CARMIL1: variants seen among roughly 807,000 people sequenced by gnomAD.
CARMIL1 encodes capping protein regulator and myosin 1 linker 1.
Under a neutral mutation model 177.1 loss-of-function variants are expected in CARMIL1, and 90 were observed. The ratio of observed to expected loss-of-function variants is 0.51; its 90% CI spans 0.43 to 0.61. The LOEUF (loss-of-function observed/expected upper bound fraction) is 0.61. Among genes scored for constraint, CARMIL1 ranks in the 20% least tolerant of loss-of-function variants. The pLI, the probability that CARMIL1 is intolerant of heterozygous loss-of-function variation, is 0.00. For synonymous variants in CARMIL1, 577 were observed against 606.2 expected, an observed-to-expected ratio of 0.95 and a Z score of 0.71; for missense variants, 1,380 against 1,667.0, an observed-to-expected ratio of 0.83 and a Z score of 3.00.
chr6:25,454,262 T>C (rs1288985449), intron 8 of CARMIL1, among the ~76,000 whole-genome samples: 1 of 152,184 alleles, frequency 6.6e-6, no homozygotes, highest in African/African-American at 2.4e-5. Context: ...ACTTTTTTTT[T>C]GTCAAGGACC....
chr6:25,560,459 T>C (rs115852371), intron 29 of CARMIL1, among the ~76,000 whole-genome samples: 2,969 of 151,650 alleles, frequency 0.02, 73 homozygotes, highest in African/African-American at 0.058. Context: ...TTAAAAAGCC[T>C]TCTTATTCAT....
intron 4 of CARMIL1, among the ~76,000 whole-genome samples, chr6:25,429,054 A>G (rs1204717258): frequency 1.3e-5 from 2 of 152,100 alleles, no homozygotes; most frequent in African/African-American, 4.8e-5. Context: ...ATATTCCTCC[A>G]TTGGTGGAGC....
intron 2 of CARMIL1, among the ~76,000 whole-genome samples, chr6:25,332,271 T>C (rs1005576908): frequency 9.2e-5 from 14 of 152,228 alleles, no homozygotes; most frequent in Non-Finnish European, 1.8e-4. Flanking sequence ...TTTCCCCATT[T>C]ACTCGTTTGT....
intron 26 of CARMIL1, among the ~76,000 whole-genome samples, chr6:25,541,755 G>A (rs1157036140): frequency 6.6e-6 from 1 of 152,156 alleles, no homozygotes; most frequent in Non-Finnish European, 1.5e-5. Context: ...CTGGGTTCAA[G>A]CTATTCTCCT....
intron 2 of CARMIL1, among the ~76,000 whole-genome samples, chr6:25,341,590 C>T (rs558351906): frequency 6.6e-6 from 1 of 152,162 alleles, no homozygotes; most frequent in Non-Finnish European, 1.5e-5. Context: ...GTGGTGCACA[C>T]GCCTGTAGTC....
chr6:25,367,781 C>T (rs981119856), intron 2 of CARMIL1, among the ~76,000 whole-genome samples: 3 of 152,172 alleles, frequency 2.0e-5, no homozygotes, highest in Admixed American at 6.5e-5. Context: ...CAAACCCCGA[C>T]GGAGCCTCGG....
chr6:25,601,142 G>T (rs1815358475), intron 33 of CARMIL1, among the ~76,000 whole-genome samples: 1 of 152,130 alleles, frequency 6.6e-6, no homozygotes, highest in Non-Finnish European at 1.5e-5. Flanking sequence ...CCCTCGCTGG[G>T]TTTATTTGGG....
At chr6:25,563,305 G>T in intron 29 of CARMIL1, 1 of 985,348 alleles carries the variant, frequency 1.0e-6, no homozygotes, top group Non-Finnish European at 1.2e-6. Flanking sequence ...TAGAATAAAA[G>T]ATCAAATCCC....
chr6:25,315,786 A>ACAG (rs1267890098), intron 2 of CARMIL1, among the ~76,000 whole-genome samples: 2 of 152,236 alleles, frequency 1.3e-5, no homozygotes. Flanking sequence ...AGAACCAGAT[A>ACAG]CAGCAGAATT....
At chr6:25,587,472 G>A (rs184973516) in intron 31 of CARMIL1, among the ~76,000 whole-genome samples, 20 of 152,180 alleles carry the variant, frequency 1.3e-4, no homozygotes, top group Admixed American at 4.6e-4. Flanking sequence ...TGCCTACGTC[G>A]TTGAGTTGTC....
At chr6:25,571,007 A>T (rs1028834313) in intron 29 of CARMIL1, among the ~76,000 whole-genome samples, 13 of 152,220 alleles carry the variant, frequency 8.5e-5, no homozygotes, top group African/African-American at 3.1e-4. Context: ...TAAAAATGGA[A>T]ATGCACAAAA....
At chr6:25,420,938 A>C (rs1288342142) in intron 3 of CARMIL1, among the ~76,000 whole-genome samples, 1 of 152,208 alleles carries the variant, frequency 6.6e-6, no homozygotes, top group Non-Finnish European at 1.5e-5. Flanking sequence ...GTTTTAGTAG[A>C]TAACTTGATC....
intron 2 of CARMIL1, among the ~76,000 whole-genome samples, chr6:25,397,838 GAC>G (rs1242292321): frequency 6.6e-6 from 1 of 152,088 alleles, no homozygotes; most frequent in Non-Finnish European, 1.5e-5. Context: ...CTTAATTTTA[GAC>G]ACCTAAATTG....
At chr6:25,286,324 G>T (rs1781522645) in intron 2 of CARMIL1, among the ~76,000 whole-genome samples, 1 of 152,240 alleles carries the variant, frequency 6.6e-6, no homozygotes, top group South Asian at 2.1e-4. Flanking sequence ...GATTATGCTT[G>T]TGATGGATGA....
At chr6:25,355,725 G>T (rs1056507744) in intron 2 of CARMIL1, among the ~76,000 whole-genome samples, 2 of 152,110 alleles carry the variant, frequency 1.3e-5, no homozygotes, top group Non-Finnish European at 2.9e-5. Context: ...CAGAATAAAT[G>T]CCTGAGAGCT....
Position 25,479,150 on chromosome 6 carries a change from TCCAGACTTA to T in CARMIL1, c.875-3104_875-3096del, listed in dbSNP as rs558481139. The T allele has an allele frequency of 1.4e-4, 73 of 519,016 alleles. No homozygotes were observed. In the East Asian group the frequency reaches 3.9e-3, roughly 28 times the overall value. 32.2% of individuals were successfully genotyped at this position (519,016 alleles called of 1,614,324 possible). A position where few individuals can be genotyped will look rare whatever the true frequency, so the allele number is the denominator to read the frequency against. ...AAGAGACAGAATGTTCCCACCGTTC[TCCAGACTTA>T]CCTTGTGGTTTGCCCCAGTGATTAC... On this transcript the variant is annotated intron_variant, in intron 11 of 36. Transcript: ENST00000329474.
chr6:25,608,733 G>T (rs902603888), intron 35 of CARMIL1, among the ~76,000 whole-genome samples: 1 of 152,176 alleles, frequency 6.6e-6, no homozygotes, highest in Non-Finnish European at 1.5e-5. Flanking sequence ...ATCTTCACAT[G>T]TCTTATCACA....
chr6:25,402,557 A>G (rs1263199695), intron 2 of CARMIL1, among the ~76,000 whole-genome samples: 1 of 152,188 alleles, frequency 6.6e-6, no homozygotes, highest in African/African-American at 2.4e-5. Flanking sequence ...TTAAGAGTAA[A>G]GTGTAATGTC....
chr6:25,602,261 C>T (rs1042721253), intron 33 of CARMIL1, among the ~76,000 whole-genome samples: 1 of 152,196 alleles, frequency 6.6e-6, no homozygotes, highest in Admixed American at 6.5e-5. Flanking sequence ...ACAAAGGAGG[C>T]ATGGTGTGGC....
Sources: gnomAD v4.1 joint callset for allele counts (sites outside exome capture counted in the v4.1 genomes callset) on GRCh38, gnomAD v4.1.1 for gene constraint, MANE v1.5 for transcripts, NCBI Gene and HGNC (gene_info 2026-07-23, HGNC 2026-07-21) for gene names.